NDUFS4: variants seen among roughly 807,000 people sequenced by gnomAD.
NDUFS4 encodes the protein NADH dehydrogenase [ubiquinone] iron-sulfur protein 4, mitochondrial.
NDUFS4 carries 28 observed loss-of-function variants against 24.3 expected under a neutral mutation model. The observed-to-expected ratio is 1.15, with a 90% CI of 0.85 to 1.58. NDUFS4 has a LOEUF of 1.58. NDUFS4 is among the 40% of genes most tolerant of loss of function. The probability of loss-of-function intolerance (pLI) is 0.00; values close to 1 mark genes in which losing one functional copy is unlikely to be tolerated. For synonymous variants in NDUFS4, 93 were observed against 69.7 expected, an observed-to-expected ratio of 1.34 and a Z score of -1.67; for missense variants, 223 against 207.9, an observed-to-expected ratio of 1.07 and a Z score of -0.45.
intron 4 of NDUFS4, 96 bp downstream of exon 4, chr5:53,658,720 C>A (rs1752234670): frequency 9.5e-7 from 1 of 1,058,034 alleles, no homozygotes; most frequent in South Asian, 1.3e-5. Flanking sequence ...GAGTTGGAAT[C>A]CAGTGGTTTC....
At chr5:53,664,623 C>T (rs1021438819) in intron 4 of NDUFS4, among the ~76,000 whole-genome samples, 1 of 152,162 alleles carries the variant, frequency 6.6e-6, no homozygotes, top group Non-Finnish European at 1.5e-5. Flanking sequence ...TTGATCAAAT[C>T]GGCTACTGAG....
chr5:53,654,436 A>T (rs1042300596), intron 3 of NDUFS4, among the ~76,000 whole-genome samples: 2 of 151,384 alleles, frequency 1.3e-5, no homozygotes, highest in Non-Finnish European at 3.0e-5. Context: ...GCAGAATATA[A>T]TTTTTTTTTG....
intron 2 of NDUFS4, among the ~76,000 whole-genome samples, chr5:53,614,946 C>A (rs1750799922): frequency 6.6e-6 from 1 of 151,796 alleles, no homozygotes. Flanking sequence ...CATTATTAGT[C>A]TATTACTCAT....
chr5:53,571,207 C>T (rs943384147), intron 1 of NDUFS4, among the ~76,000 whole-genome samples: 1 of 152,180 alleles, frequency 6.6e-6, no homozygotes, highest in African/African-American at 2.4e-5. Context: ...AGTCGCTTCT[C>T]CCCCAGTCCT....
At chr5:53,601,943 G>T (rs1750337541) in intron 1 of NDUFS4, among the ~76,000 whole-genome samples, 2 of 152,118 alleles carry the variant, frequency 1.3e-5, no homozygotes, top group South Asian at 4.1e-4. Flanking sequence ...TGCCTAATTT[G>T]TAAAGTAAAC....
chr5:53,573,509 A>C (rs181787161), intron 1 of NDUFS4: 2 of 432,728 alleles, frequency 4.6e-6, no homozygotes, highest in African/African-American at 4.1e-5. Context: ...GATCCTGTAT[A>C]TGTTTCGTTA....
Position 53,560,767 on chromosome 5 carries a change from G to GA in NDUFS4, c.98+9dup, listed in dbSNP as rs762082526. 5.0e-6 allele frequency: 8 copies of GA among 1,614,056 alleles called. No homozygotes were observed. The highest frequency in any genetic ancestry group is 3.3e-5 in the Admixed American group (2 of 60,006). On this transcript the variant is annotated splice_region_variant and intron_variant, in intron 1 of 4. Coordinates refer to ENST00000296684, the MANE Select transcript of NDUFS4 (RefSeq NM_002495.4). ...TTTCCAGGGTTCCGACCAGGTAATAGAATTTTCACACTTTTCTTCAAGCTT... is the reference window on the plus strand; with the variant it reads ...TTTCCAGGGTTCCGACCAGGTAATAGAAATTTTCACACTTTTCTTCAAGCTT...
intron 1 of NDUFS4, among the ~76,000 whole-genome samples, chr5:53,582,909 A>G (rs554786337): frequency 2.0e-5 from 3 of 152,130 alleles, no homozygotes; most frequent in Non-Finnish European, 4.4e-5. Flanking sequence ...AGTATAGCAT[A>G]TATTTTTTTT....
chr5:53,617,287 G>A (rs1750870233), intron 2 of NDUFS4, among the ~76,000 whole-genome samples: 1 of 151,974 alleles, frequency 6.6e-6, no homozygotes, highest in Non-Finnish European at 1.5e-5. Flanking sequence ...CTTACTCTCT[G>A]CTTCTTGAAA....
At chr5:53,682,656 C>T (rs776427617) in intron 4 of NDUFS4, among the ~76,000 whole-genome samples, 11 of 152,070 alleles carry the variant, frequency 7.2e-5, no homozygotes, top group Admixed American at 2.0e-4. Context: ...CCCATACACA[C>T]GTACATATAT....
At chr5:53,579,790 T>C (rs747475400) in intron 1 of NDUFS4, among the ~76,000 whole-genome samples, 6 of 152,164 alleles carry the variant, frequency 3.9e-5, no homozygotes, top group Non-Finnish European at 8.8e-5. Flanking sequence ...ATTACCCTGG[T>C]GGGCCTGATG....
chr5:53,649,029 T>C (rs997896224), intron 3 of NDUFS4, among the ~76,000 whole-genome samples: 7 of 152,156 alleles, frequency 4.6e-5, no homozygotes, highest in Non-Finnish European at 1.0e-4. Flanking sequence ...CAATTGATTA[T>C]GGCAAAGGTG....
chr5:53,667,883 A>G (rs1437001889), intron 4 of NDUFS4, among the ~76,000 whole-genome samples: 1 of 152,138 alleles, frequency 6.6e-6, no homozygotes, highest in Non-Finnish European at 1.5e-5. Context: ...ATGTCCAAAA[A>G]CTATAGACTT....
chr5:53,666,095 T>G (rs1752505235), intron 4 of NDUFS4, among the ~76,000 whole-genome samples: 1 of 152,256 alleles, frequency 6.6e-6, no homozygotes, highest in African/African-American at 2.4e-5. Context: ...AGTGGTCTTT[T>G]AAAATACTAT....
intron 1 of NDUFS4, among the ~76,000 whole-genome samples, chr5:53,595,914 ACT>A (rs1157138908): frequency 2.0e-5 from 3 of 152,182 alleles, no homozygotes; most frequent in African/African-American, 7.2e-5. Flanking sequence ...GGAGGTGCTT[ACT>A]TTTTACTGAT....
At chr5:53,623,526 G>C (rs994754657) in intron 2 of NDUFS4, among the ~76,000 whole-genome samples, 2 of 152,124 alleles carry the variant, frequency 1.3e-5, no homozygotes, top group African/African-American at 4.8e-5. Context: ...CTATCAGCTA[G>C]ATGTCCTTTG....
At chr5:53,627,312 C>A (rs1751260211) in intron 2 of NDUFS4, among the ~76,000 whole-genome samples, 1 of 152,094 alleles carries the variant, frequency 6.6e-6, no homozygotes, top group South Asian at 2.1e-4. Flanking sequence ...AGTCAGGTAG[C>A]ATGATACCTC....
At chr5:53,584,957 G>A (rs1047633382) in intron 1 of NDUFS4, among the ~76,000 whole-genome samples, 1 of 151,966 alleles carries the variant, frequency 6.6e-6, no homozygotes, top group African/African-American at 2.4e-5. Context: ...TAGTAGAGAT[G>A]GGGTTTCACC....
At chr5:53,663,598 GTCTCTT>G (rs1446814877) in intron 4 of NDUFS4, among the ~76,000 whole-genome samples, 2 of 152,070 alleles carry the variant, frequency 1.3e-5, no homozygotes, top group African/African-American at 4.8e-5. Context: ...GGCCTTCTTT[GTCTCTT>G]TTGATCTTTG....
Sources: allele counts gnomAD v4.1 joint callset (sites outside exome capture counted in the v4.1 genomes callset), GRCh38; gene constraint gnomAD v4.1.1; transcripts MANE v1.5; gene names NCBI Gene and HGNC (gene_info 2026-07-23, HGNC 2026-07-21).